PRKCA: variants seen among roughly 807,000 people sequenced by gnomAD.
PRKCA encodes protein kinase C alpha type.
PRKCA carries 27 observed loss-of-function variants against 87.0 expected under a neutral mutation model. That is an observed-to-expected ratio of 0.31 (90% CI 0.23 to 0.43). PRKCA has a LOEUF of 0.43. Ranked by LOEUF, PRKCA falls within the 20% of genes least tolerant of loss-of-function variation. PRKCA has a pLI of 1.00. For synonymous variants in PRKCA, 329 were observed against 311.1 expected, an observed-to-expected ratio of 1.06 and a Z score of -0.61; for missense variants, 518 against 852.3, an observed-to-expected ratio of 0.61 and a Z score of 4.88.
At chr17:66,781,286 A>C (rs1173104789) in intron 14 of PRKCA, among the ~76,000 whole-genome samples, 5 of 151,842 alleles carry the variant, frequency 3.3e-5, no homozygotes, top group Non-Finnish European at 4.4e-5. Context: ...GGCCAATGAG[A>C]TCAGAGGGGA....
intron 13 of PRKCA, among the ~76,000 whole-genome samples, chr17:66,743,432 G>A (rs758987130): frequency 1.8e-4 from 27 of 152,348 alleles, no homozygotes; most frequent in South Asian, 4.1e-4. Flanking sequence ...GCAGCATCGC[G>A]GTGATGACTG....
At chr17:66,454,491 T>C (rs1427364137) in intron 2 of PRKCA, among the ~76,000 whole-genome samples, 1 of 152,198 alleles carries the variant, frequency 6.6e-6, no homozygotes, top group Non-Finnish European at 1.5e-5. Context: ...TAGTCTGTTT[T>C]CATGCTACTG....
Position 66,805,632 on chromosome 17 carries a change from A to G in PRKCA, c.*1595A>G, listed in dbSNP as rs1976014035. On this transcript the variant is annotated 3_prime_UTR_variant, in exon 17 of 17. Coordinates refer to ENST00000413366, the MANE Select transcript of PRKCA (RefSeq NM_002737.3). ...AAACAAATTTTTATTGGTGAGGACT[A>G]TTTTTGAGCTGACACTCCCTCTTAG... 1.3e-5 allele frequency: 2 copies of G among 152,294 alleles called. No individual in the cohort carries two copies. The highest frequency in any genetic ancestry group is 1.9e-4 in the East Asian group (1 of 5,186). The allele number at this position is 152,294 out of a possible 1,614,324, so 9.4% of individuals were successfully genotyped here. A position where few individuals can be genotyped will look rare whatever the true frequency, so the allele number is the denominator to read the frequency against.
At chr17:66,620,859 C>T (rs1249594746) in intron 3 of PRKCA, among the ~76,000 whole-genome samples, 2 of 152,178 alleles carry the variant, frequency 1.3e-5, no homozygotes, top group Non-Finnish European at 2.9e-5. Context: ...TTGCAGCTAA[C>T]AAAATAGCCT....
chr17:66,457,619 A>G (rs935636681), intron 2 of PRKCA, among the ~76,000 whole-genome samples: 1 of 152,074 alleles, frequency 6.6e-6, no homozygotes, highest in Admixed American at 6.5e-5. Flanking sequence ...TCATGGGGGT[A>G]GTTACCTCCA....
chr17:66,480,013 A>AG (rs1915710583), intron 2 of PRKCA, among the ~76,000 whole-genome samples: 1 of 137,054 alleles, frequency 7.3e-6, no homozygotes, highest in South Asian at 2.2e-4. Flanking sequence ...AAAAAAAAAA[A>AG]CATTTTGGTT....
At chr17:66,385,372 A>G (rs1910001272) in intron 2 of PRKCA, among the ~76,000 whole-genome samples, 1 of 152,238 alleles carries the variant, frequency 6.6e-6, no homozygotes, top group Non-Finnish European at 1.5e-5. Flanking sequence ...CAAGAACCTC[A>G]TTTAATCAGT....
At chr17:66,720,014 C>G (rs1973573883) in intron 8 of PRKCA, among the ~76,000 whole-genome samples, 1 of 152,236 alleles carries the variant, frequency 6.6e-6, no homozygotes, top group Non-Finnish European at 1.5e-5. Context: ...AAACACCATC[C>G]TAGGCACTGG....
Position 66,404,469 on chromosome 17 carries a change from T to C in PRKCA, c.206-91732T>C, listed in dbSNP as rs543733512. ...GCGGTTGGGTACTATTCTTAGTGTT[T>C]ATGTCTTTAGTTCTTGTTCTTTTAC... is the stretch of plus-strand genomic sequence containing the variant. On this transcript the variant is annotated intron_variant, in intron 2 of 16. Transcript: ENST00000413366. Among the ~76,000 whole-genome samples, 4 of 152,316 alleles carry C rather than the reference T, an allele frequency of 2.6e-5. No individual in the cohort carries two copies. In the East Asian group the frequency reaches 7.7e-4, roughly 29 times the overall value.
intron 2 of PRKCA, among the ~76,000 whole-genome samples, chr17:66,377,510 C>G (rs534470685): frequency 2.0e-4 from 30 of 146,936 alleles, no homozygotes; most frequent in Middle Eastern, 3.6e-3. Flanking sequence ...CATGTATATA[C>G]GTATATATGT....
At chr17:66,368,322 A>G (rs1221453700) in intron 2 of PRKCA, among the ~76,000 whole-genome samples, 4 of 114,482 alleles carry the variant, frequency 3.5e-5, no homozygotes, top group Admixed American at 9.6e-5. Flanking sequence ...GTGTTTATCT[A>G]TATGTGTGTG....
At chr17:66,396,633 T>C (rs1355842276) in intron 2 of PRKCA, among the ~76,000 whole-genome samples, 1 of 148,420 alleles carries the variant, frequency 6.7e-6, no homozygotes, top group African/African-American at 2.5e-5. Flanking sequence ...TTCTCTCTCT[T>C]TTTTTTTTTT....
intron 2 of PRKCA, among the ~76,000 whole-genome samples, chr17:66,467,492 A>G (rs769243715): frequency 3.9e-5 from 6 of 151,940 alleles, no homozygotes; most frequent in Non-Finnish European, 7.4e-5. Flanking sequence ...TTTTTTTTGC[A>G]GAAAAACAGC....
intron 2 of PRKCA, among the ~76,000 whole-genome samples, chr17:66,379,158 C>T (rs891857131): frequency 5.9e-5 from 9 of 152,092 alleles, no homozygotes; most frequent in Non-Finnish European, 1.0e-4. Flanking sequence ...TCATTCCTCT[C>T]GGGTATATAC....
At chr17:66,605,209 T>C (rs780978530) in intron 3 of PRKCA, among the ~76,000 whole-genome samples, 1 of 152,214 alleles carries the variant, frequency 6.6e-6, no homozygotes, top group Non-Finnish European at 1.5e-5. Context: ...TGGCTACTGA[T>C]CACAGTGAGA....
intron 2 of PRKCA, among the ~76,000 whole-genome samples, chr17:66,396,455 C>T (rs1018828211): frequency 2.6e-5 from 4 of 151,944 alleles, no homozygotes; most frequent in African/African-American, 9.7e-5. Context: ...TCTTTACAGT[C>T]TTTTTTTTCC....
intron 3 of PRKCA, among the ~76,000 whole-genome samples, chr17:66,635,786 C>G (rs1425065639): frequency 1.3e-5 from 2 of 151,946 alleles, no homozygotes; most frequent in African/African-American, 2.4e-5. Flanking sequence ...CTGATGAAAC[C>G]CTAAACTCTG....
intron 2 of PRKCA, among the ~76,000 whole-genome samples, chr17:66,480,239 T>C (rs541455682): frequency 6.6e-6 from 1 of 152,318 alleles, no homozygotes; most frequent in South Asian, 2.1e-4. Flanking sequence ...TCTCCACTGT[T>C]ACCCATGGGC....
At chr17:66,687,357 A>G in intron 6 of PRKCA, 90 bp downstream of exon 6, 1 of 1,378,970 alleles carries the variant, frequency 7.3e-7, no homozygotes. Flanking sequence ...GGTTCATTAT[A>G]AACGTCTTTA....
Sources: allele counts gnomAD v4.1 joint callset (sites outside exome capture counted in the v4.1 genomes callset), GRCh38; gene constraint gnomAD v4.1.1; transcripts MANE v1.5; gene names NCBI Gene and HGNC (gene_info 2026-07-23, HGNC 2026-07-21).